The following RAD51B variants were observed in gnomAD, a reference collection of about 807,000 sequenced individuals.
RAD51B encodes the protein RAD51 paralog B.
Under a neutral mutation model 42.2 loss-of-function variants are expected in RAD51B, and 38 were observed. The observed-to-expected ratio is 0.90, with a 90% CI of 0.70 to 1.18. The LOEUF is 1.18. Ranked by LOEUF, RAD51B falls within the 50% of genes most tolerant of loss-of-function variation. RAD51B has a pLI of 0.00. For synonymous variants in RAD51B, 154 were observed against 145.2 expected, an observed-to-expected ratio of 1.06 and a Z score of -0.43; for missense variants, 373 against 400.7, an observed-to-expected ratio of 0.93 and a Z score of 0.59.
chr14:68,388,076 G>GTA (rs35161283), intron 8 of RAD51B, among the ~76,000 whole-genome samples: 3,162 of 96,384 alleles, frequency 0.033, 52 homozygotes, highest in South Asian at 0.047. Context: ...GTGTGTGTGT[G>GTA]TGTATATATA....
intron 8 of RAD51B, among the ~76,000 whole-genome samples, chr14:68,305,399 G>T (rs1309024383): frequency 6.6e-6 from 1 of 152,196 alleles, no homozygotes; most frequent in African/African-American, 2.4e-5. Context: ...GTTTTATCTG[G>T]TTGGAACCCT....
intron 8 of RAD51B, among the ~76,000 whole-genome samples, chr14:68,350,992 T>C (rs1215185324): frequency 6.6e-6 from 1 of 152,230 alleles, no homozygotes; most frequent in East Asian, 1.9e-4. Context: ...TTCATGGCTC[T>C]GGCCTTATTT....
At chr14:68,631,263 TAGC>T (rs1413346260) in intron 10 of RAD51B, among the ~76,000 whole-genome samples, 4 of 152,232 alleles carry the variant, frequency 2.6e-5, no homozygotes, top group African/African-American at 9.7e-5. Context: ...ATTGATTTAA[TAGC>T]AGTTTTCCAG....
intron 8 of RAD51B, among the ~76,000 whole-genome samples, chr14:68,300,712 A>T (rs1437458160): frequency 6.6e-6 from 1 of 152,206 alleles, no homozygotes; most frequent in East Asian, 1.9e-4. Context: ...TCTTCTGTTT[A>T]TCCAGAATCC....
At chr14:68,240,813 C>T (rs1482104514) in intron 7 of RAD51B, among the ~76,000 whole-genome samples, 1 of 152,174 alleles carries the variant, frequency 6.6e-6, no homozygotes, top group Non-Finnish European at 1.5e-5. Context: ...TTATCTTACG[C>T]TTTTGTTGGG....
intron 7 of RAD51B, among the ~76,000 whole-genome samples, chr14:68,110,723 A>G (rs538265700): frequency 4.6e-4 from 70 of 152,128 alleles, no homozygotes; most frequent in Admixed American, 1.2e-3. Context: ...GTTAATACCC[A>G]TTTTGGAGAT....
downstream of RAD51B, among the ~76,000 whole-genome samples, chr14:68,479,365 G>T (rs893200304): frequency 6.6e-6 from 1 of 152,164 alleles, no homozygotes. Flanking sequence ...AAACAGCAGA[G>T]GCAGGAAGGC....
intron 10 of RAD51B, among the ~76,000 whole-genome samples, chr14:68,487,640 C>G (rs182844467): frequency 6.6e-6 from 1 of 152,156 alleles, no homozygotes; most frequent in East Asian, 1.9e-4. Flanking sequence ...TCCCGAGTAG[C>G]TGGGACTACA....
intron 8 of RAD51B, among the ~76,000 whole-genome samples, chr14:68,299,861 A>C (rs774195167): frequency 6.6e-6 from 1 of 152,174 alleles, no homozygotes; most frequent in Non-Finnish European, 1.5e-5. Flanking sequence ...TATTCTCTTC[A>C]TTTATCTCAT....
At chr14:67,830,233 T>A (rs542921136) in intron 3 of RAD51B, among the ~76,000 whole-genome samples, 259 of 152,076 alleles carry the variant, frequency 1.7e-3, no homozygotes, top group African/African-American at 6.1e-3. Flanking sequence ...ATATGTGTTT[T>A]AAAAAAAATC....
intron 7 of RAD51B, among the ~76,000 whole-genome samples, chr14:68,087,968 T>C (rs1433228577): frequency 3.1e-5 from 4 of 128,328 alleles, no homozygotes; most frequent in African/African-American, 1.2e-4. Flanking sequence ...TATAATTTAT[T>C]ATTATATATA....
At chr14:68,667,456 A>G (rs1489391797) in intron 11 of RAD51B, among the ~76,000 whole-genome samples, 3 of 127,768 alleles carry the variant, frequency 2.3e-5, no homozygotes, top group Admixed American at 8.0e-5. Flanking sequence ...TAAATCAAAT[A>G]TAAAAACTAC....
chr14:68,650,919 T>C, intron 11 of RAD51B: 1 of 682,218 alleles, frequency 1.5e-6, no homozygotes, highest in Non-Finnish European at 2.7e-6. Context: ...CAGGAAGAGA[T>C]CAGAAAATGA....
intron 8 of RAD51B, among the ~76,000 whole-genome samples, chr14:68,299,802 C>T (rs2064913): frequency 2.0e-5 from 3 of 152,140 alleles, no homozygotes; most frequent in African/African-American, 7.2e-5. Flanking sequence ...TAAATAGGAA[C>T]TAAAAGACAG....
chr14:68,089,440 T>C (rs891383485), intron 7 of RAD51B, among the ~76,000 whole-genome samples: 5 of 152,134 alleles, frequency 3.3e-5, no homozygotes, highest in African/African-American at 1.2e-4. Context: ...GCACTCACAG[T>C]TCTCCATCTT....
intron 8 of RAD51B, among the ~76,000 whole-genome samples, chr14:68,411,133 T>G (rs2084408344): frequency 6.6e-6 from 1 of 152,244 alleles, no homozygotes; most frequent in South Asian, 2.1e-4. Context: ...GATTTACTAG[T>G]AGCAATGGCT....
intron 8 of RAD51B, among the ~76,000 whole-genome samples, chr14:68,374,046 A>G (rs2083313368): frequency 6.6e-6 from 1 of 152,254 alleles, no homozygotes; most frequent in African/African-American, 2.4e-5. Flanking sequence ...CATACCAGAC[A>G]TGTTAATTAT....
At chr14:68,553,102 C>G (rs1888660969) in intron 10 of RAD51B, among the ~76,000 whole-genome samples, 1 of 152,144 alleles carries the variant, frequency 6.6e-6, no homozygotes, top group African/African-American at 2.4e-5. Flanking sequence ...TTTGTTGTTG[C>G]TGATTTCATT....
chr14:68,487,671 G>T (rs1229638754), intron 10 of RAD51B, among the ~76,000 whole-genome samples: 1 of 151,994 alleles, frequency 6.6e-6, no homozygotes, highest in South Asian at 2.1e-4. Flanking sequence ...ACCACACCTG[G>T]TTAATTTTTG....
Sources: allele counts gnomAD v4.1 joint callset (sites outside exome capture counted in the v4.1 genomes callset), GRCh38; gene constraint gnomAD v4.1.1; transcripts MANE v1.5; gene names NCBI Gene and HGNC (gene_info 2026-07-23, HGNC 2026-07-21).